TAOK1: variants seen among roughly 807,000 people sequenced by gnomAD.
TAOK1 encodes serine/threonine-protein kinase TAO1.
In TAOK1, 21 loss-of-function variants were observed where a neutral mutation model predicts 138.3. The observed-to-expected ratio is 0.15, with a 90% confidence interval of 0.11 to 0.22. The LOEUF (loss-of-function observed/expected upper bound fraction) is 0.22, where lower values mean the gene tolerates loss of function less well. TAOK1 is among the 10% of genes least tolerant of loss of function. The pLI, the probability that TAOK1 is intolerant of heterozygous loss-of-function variation, is 1.00. For missense variants in TAOK1, 651 were observed against 1,227.7 expected (o/e 0.53, Z 7.02); for synonymous variants, 361 against 398.4 (o/e 0.91, Z 1.12).
chr17:29,522,227 T>C, intron 16 of TAOK1, 53 bp from the exon 17 acceptor site: 1 of 1,580,938 alleles, frequency 6.3e-7, no homozygotes, highest in Non-Finnish European at 8.6e-7. Context: ...AGGACTTTTT[T>C]CTGGCATTAT....
At position 29,475,713 on chromosome 17, in the gene TAOK1, T is replaced by C; in HGVS notation, c.248T>C (p.Ile83Thr). The C allele has an allele frequency of 6.2e-7, 1 of 1,613,346 alleles. No homozygotes were observed. Among genetic ancestry groups the C allele is most frequent in the Non-Finnish European group, 8.5e-7 (1 of 1,179,764 alleles). ...AAGGAAGTCAAGTTTCTACAAAGAA[T>C]AAAACATCCCAACAGTATAGAATAC... is the stretch of plus-strand genomic sequence containing the variant. ...IIKEVKFLQR[I>T]KHPNSIEYKG... The change falls in exon 4 of 20, where the codon ATA (isoleucine) becomes ACA (threonine). Residue 83 changes from isoleucine to threonine, a missense_variant. Physicochemically the swap from Ile to Thr is moderately conservative, Grantham distance 89 (BLOSUM62 -1). Around this residue, in one of 8 missense-constraint regions of TAOK1, gnomAD observed 116 missense variants for 213.9 expected, o/e 0.54. Transcript: ENST00000261716.
chr17:29,488,974 A>G (rs144654739), intron 8 of TAOK1, among the ~76,000 whole-genome samples: 109 of 152,314 alleles, frequency 7.2e-4, no homozygotes, highest in African/African-American at 2.5e-3. Flanking sequence ...AAGATTAACA[A>G]TACTCAAAGC....
chr17:29,498,746 T>C (rs1457627789), intron 12 of TAOK1, among the ~76,000 whole-genome samples: 1 of 151,978 alleles, frequency 6.6e-6, no homozygotes, highest in Non-Finnish European at 1.5e-5. Flanking sequence ...GGTGAAACCC[T>C]GTCTCTACTA....
rs762653035 is a variant in TAOK1, at chr17:29,542,792, A to G, written c.2776A>G (p.Met926Val). 2.2e-5 allele frequency: 35 copies of G among 1,614,112 alleles called. No individual in the cohort carries two copies. Among genetic ancestry groups the G allele is most frequent in the Non-Finnish European group, 2.9e-5 (34 of 1,179,984 alleles). The stretch of plus-strand genomic sequence containing the variant: ...TCCAGGACCTCACTGGGGTCATCCC[A>G]TGGGTGGCCCACCACAAGCTTGGGG... ...GGPGPHWGHP[M>V]GGPPQAWGHP... The change falls in exon 20 of 20, where the codon ATG (methionine) becomes GTG (valine). Residue 926 changes from methionine (M) to valine (V), a missense_variant. Physicochemically the swap from Met to Val is conservative, Grantham distance 21 (BLOSUM62 1). Around this residue, in one of 8 missense-constraint regions of TAOK1, gnomAD observed 108 missense variants for 120.3 expected, o/e 0.90. Coordinates refer to ENST00000261716, the MANE Select transcript of TAOK1 (RefSeq NM_020791.4).
At chr17:29,491,154 A>G (rs559130763) in intron 9 of TAOK1, among the ~76,000 whole-genome samples, 65 of 152,178 alleles carry the variant, frequency 4.3e-4, no homozygotes, top group Admixed American at 1.0e-3. Context: ...TTAAAATCTT[A>G]TTTGAATATT....
chr17:29,421,327 C>A (rs1010580769), intron 1 of TAOK1, among the ~76,000 whole-genome samples: 1 of 152,156 alleles, frequency 6.6e-6, no homozygotes, highest in Admixed American at 6.5e-5. Flanking sequence ...TTATAAACTG[C>A]CAGCATCTAT....
intron 9 of TAOK1, among the ~76,000 whole-genome samples, chr17:29,490,927 A>G (rs894555186): frequency 2.6e-5 from 4 of 152,192 alleles, no homozygotes; most frequent in African/African-American, 9.6e-5. Flanking sequence ...CCCTTTTTAT[A>G]GCAGAATTAA....
intron 1 of TAOK1, among the ~76,000 whole-genome samples, chr17:29,412,069 A>T (rs184917609): frequency 1.4e-5 from 2 of 147,492 alleles, no homozygotes; most frequent in East Asian, 2.0e-4. Context: ...TTGAAACAGG[A>T]TCTCACTCTG....
intron 2 of TAOK1, among the ~76,000 whole-genome samples, chr17:29,459,064 C>T (rs968801489): frequency 3.3e-5 from 5 of 151,946 alleles, no homozygotes; most frequent in African/African-American, 7.3e-5. Context: ...CCATGTTGGC[C>T]GGTTACTTAA....
At chr17:29,513,338 C>T (rs2034430347) in intron 15 of TAOK1, 1 of 151,976 alleles carries the variant, frequency 6.6e-6, no homozygotes, top group African/African-American at 2.4e-5. Flanking sequence ...GACTATAATT[C>T]GAAAGCCAAA....
chr17:29,505,919 A>G (rs926351851), intron 13 of TAOK1, among the ~76,000 whole-genome samples: 59 of 152,328 alleles, frequency 3.9e-4, no homozygotes, highest in African/African-American at 1.4e-3. Flanking sequence ...TGGGCAACCC[A>G]CCGACCCTGT....
intron 16 of TAOK1, among the ~76,000 whole-genome samples, chr17:29,521,955 A>G (rs745381063): frequency 1.3e-5 from 2 of 152,336 alleles, no homozygotes; most frequent in Middle Eastern, 3.4e-3. Context: ...TACTCTGAAG[A>G]AATTGAAAGG....
chr17:29,486,877 A>G (rs1030169947), intron 8 of TAOK1, among the ~76,000 whole-genome samples: 8 of 152,170 alleles, frequency 5.3e-5, no homozygotes, highest in Non-Finnish European at 1.0e-4. Flanking sequence ...CAGAGAAAGG[A>G]GGGCATCTGT....
At chr17:29,394,539 A>C (rs944000234) in intron 1 of TAOK1, among the ~76,000 whole-genome samples, 1 of 152,020 alleles carries the variant, frequency 6.6e-6, no homozygotes, top group African/African-American at 2.4e-5. Context: ...TTGGCATTGA[A>C]ATTAGAGTTG....
intron 11 of TAOK1, 82 bp from the exon 12 acceptor site, chr17:29,498,236 T>G: frequency 1.4e-6 from 2 of 1,410,408 alleles, no homozygotes; most frequent in Non-Finnish European, 2.0e-6. Flanking sequence ...CCAAGTGGTA[T>G]GCTAGGTGCT....
chr17:29,397,647 T>TGTACATTC (rs1384681685), intron 1 of TAOK1, among the ~76,000 whole-genome samples: 4 of 61,598 alleles, frequency 6.5e-5, no homozygotes, highest in South Asian at 7.2e-4. Flanking sequence ...TACATGTATA[T>TGTACATTC]ATGTATATTC....
intron 16 of TAOK1, among the ~76,000 whole-genome samples, chr17:29,519,994 G>A (rs1051985415): frequency 6.6e-6 from 1 of 151,890 alleles, no homozygotes; most frequent in Admixed American, 6.6e-5. Context: ...CCTGGTCAAC[G>A]TGGTAAAACT....
intron 1 of TAOK1, among the ~76,000 whole-genome samples, chr17:29,441,046 A>G (rs778909612): frequency 1.6e-4 from 24 of 152,328 alleles, no homozygotes; most frequent in Admixed American, 7.2e-4. Flanking sequence ...CCACTTAATC[A>G]TAATGTATAA....
At chr17:29,542,425 TTAAA>T (rs1598532941) in intron 19 of TAOK1, 132 bp from the exon 20 acceptor site, 1 of 712,650 alleles carries the variant, frequency 1.4e-6, no homozygotes, top group Non-Finnish European at 2.0e-6. Context: ...GGGAAAAAGT[TTAAA>T]TAAAATTTGA....
Sources: allele counts gnomAD v4.1 joint callset (sites outside exome capture counted in the v4.1 genomes callset), GRCh38; gene constraint gnomAD v4.1.1; regional missense constraint gnomAD v4.1.1; transcripts MANE v1.5; gene names NCBI Gene and HGNC (gene_info 2026-07-23, HGNC 2026-07-21).